Variants in ICE1 observed in about 807,000 individuals in gnomAD.
ICE1 encodes the protein little elongation complex subunit 1.
Under a neutral mutation model 192.7 loss-of-function variants are expected in ICE1, and 64 were observed. The observed-to-expected ratio is 0.33, with a 90% CI of 0.27 to 0.41. The LOEUF is 0.41. Among genes scored for constraint, ICE1 ranks in the 10% least tolerant of loss-of-function variants. ICE1 has a pLI of 1.00. For synonymous variants in ICE1, 1,010 were observed against 984.5 expected, an observed-to-expected ratio of 1.03 and a Z score of -0.49; for missense variants, 2,708 against 2,696.0, an observed-to-expected ratio of 1.00 and a Z score of -0.10.
rs763985666 is a variant in ICE1, at chr5:5,441,195, C to G, written c.281C>G (p.Ser94Cys). ...PLQKCQEELG[S>C]LKAELEEKKS... ...CAGAAATGTCAGGAAGAACTGGGAT[C>G]TTTAAAAGCAGAGCTAGAAGAGAAA... Residue 94 changes from serine (S) to cysteine (C), a missense_variant, in exon 5 of 19, where the codon TCT becomes TGT. Coordinates refer to ENST00000296564, the MANE Select transcript of ICE1 (RefSeq NM_015325.3). 19 of 1,560,688 alleles carry G rather than the reference C, an allele frequency of 1.2e-5. No homozygotes were observed. The Admixed American group carries it at 3.2e-4, about 27-fold the overall frequency.
chr5:5,471,024 G>A (rs1739143046), intron 15 of ICE1, among the ~76,000 whole-genome samples: 2 of 152,006 alleles, frequency 1.3e-5, no homozygotes, highest in South Asian at 4.1e-4. Context: ...GGGAACCAGA[G>A]AAAAAGAATA....
At chr5:5,459,125 G>A (rs984722845) in intron 12 of ICE1, among the ~76,000 whole-genome samples, 7 of 152,052 alleles carry the variant, frequency 4.6e-5, no homozygotes, top group African/African-American at 1.7e-4. Flanking sequence ...TGCCTGCCTC[G>A]GCCTCCCAAA....
rs771984642 is a variant in ICE1 at position 5,462,823 on chromosome 5, T to A, written c.3489T>A (p.Thr1163=). 1.1e-5 allele frequency: 18 copies of A among 1,611,316 alleles called. No individual in the cohort carries two copies. The Admixed American group carries it at 1.3e-4, about 12-fold the overall frequency. ...CTCTGCAAGATTTTAACATAAGTAC[T>A]TTTTCTGAGCTGGATAGACTTTCCA... ...TSALQDFNIS[T]FSELDRLSTS... The change falls in exon 13 of 19, where the codon ACT becomes ACA. Residue 1163 remains threonine (T), a synonymous_variant. Coordinates refer to ENST00000296564, the MANE Select transcript of ICE1 (RefSeq NM_015325.3).
At chr5:5,435,667 T>G (rs1579540731) in intron 1 of ICE1, among the ~76,000 whole-genome samples, 1 of 118,414 alleles carries the variant, frequency 8.4e-6, no homozygotes, top group African/African-American at 3.3e-5. Flanking sequence ...GTTTTTTTTT[T>G]TTTTTGTTTT....
Position 5,460,676 on chromosome 5 carries a change from A to G in ICE1, c.1342A>G (p.Thr448Ala), listed in dbSNP as rs1285337034. ...TTCTGGACTCGAGACTTTCACAGCA[A>G]CACTGAGAGAATCTTCTGCCACACA... is the stretch of plus-strand genomic sequence containing the variant. ...TTSGLETFTA[T>A]LRESSATHSL... is the part of the protein sequence containing the mutation. Residue 448 changes from threonine to alanine, a missense_variant, in exon 13 of 19, where the codon ACA (threonine) becomes GCA (alanine). By Grantham distance (58) the Thr-to-Ala change is moderately conservative (BLOSUM62 0). Transcript: ENST00000296564. The G allele has an allele frequency of 6.2e-7, 1 of 1,614,012 alleles. No homozygotes were observed. Among genetic ancestry groups the G allele is most frequent in the Non-Finnish European group, 8.5e-7 (1 of 1,179,904 alleles).
chr5:5,439,984 G>T, intron 4 of ICE1, 71 bp downstream of exon 4: 1 of 1,112,912 alleles, frequency 9.0e-7, no homozygotes, highest in South Asian at 1.7e-5. Flanking sequence ...ACATTTATTG[G>T]AGCAGATTTT....
chr5:5,436,287 A>G (rs996352926), intron 1 of ICE1, 131 bp from the exon 2 acceptor site: 4 of 566,954 alleles, frequency 7.1e-6, no homozygotes, highest in East Asian at 3.5e-5. Flanking sequence ...TCTACACAAT[A>G]TAAGTAATGC....
At chr5:5,441,089 T>C in intron 4 of ICE1, 23 bp from the exon 5 acceptor site, 2 of 1,340,222 alleles carry the variant, frequency 1.5e-6, no homozygotes, top group Non-Finnish European at 2.1e-6. Context: ...TTTTCTGTAA[T>C]AATGTTAATT....
In ICE1 at chr5:5,460,856, C is replaced by T; in HGVS notation, c.1522C>T (p.Leu508=). The T allele has an allele frequency of 1.2e-6, 2 of 1,614,014 alleles. No individual in the cohort carries two copies. Among genetic ancestry groups the T allele is most frequent in the Middle Eastern group, 1.6e-4 (1 of 6,062 alleles). ...EKTIHKLTRG[L]CIERLSASPA... ...GACCATTCATAAACTCACTCGAGGT[C>T]TATGCATTGAGAGATTGTCTGCCAG... Residue 508 remains leucine, a synonymous_variant, in exon 13 of 19, where the codon CTA becomes TTA. Coordinates refer to ENST00000296564, the MANE Select transcript of ICE1 (RefSeq NM_015325.3).
chr5:5,478,455 A>C (rs2111401597), intron 17 of ICE1, among the ~76,000 whole-genome samples: 1 of 152,056 alleles, frequency 6.6e-6, no homozygotes, highest in East Asian at 1.9e-4. Context: ...TCAAGGAAAA[A>C]GGACACAAAT....
chr5:5,481,124 A>G (rs995092461), intron 17 of ICE1, among the ~76,000 whole-genome samples: 1 of 152,208 alleles, frequency 6.6e-6, no homozygotes, highest in African/African-American at 2.4e-5. Context: ...AATTCAGGAA[A>G]AAATGCTCAT....
chr5:5,428,499 A>G (rs1215206322), intron 1 of ICE1, among the ~76,000 whole-genome samples: 2 of 152,234 alleles, frequency 1.3e-5, no homozygotes, highest in Non-Finnish European at 2.9e-5. Context: ...GACTTACAAT[A>G]AAGTTGCCAC....
chr5:5,477,897 A>G (rs1410341266), intron 17 of ICE1, among the ~76,000 whole-genome samples: 1 of 152,240 alleles, frequency 6.6e-6, no homozygotes, highest in African/African-American at 2.4e-5. Flanking sequence ...GATTATCTCA[A>G]TAGATACCGA....
In ICE1 at chr5:5,464,681, TG is replaced by T; in HGVS notation, c.5348del (p.Cys1783LeufsTer11). 6.2e-7 allele frequency: 1 copy of T among 1,613,964 alleles called. No homozygotes were observed. The highest frequency in any genetic ancestry group is 8.5e-7 in the Non-Finnish European group (1 of 1,179,874). ...IQLTRGPPADCKNLPGPASAM... is the reference protein window; with the variant it reads ...IQLTRGPPADXKNLPGPASAM... ...ACTCACACGAGGTCCGCCTGCTGAC[TG>T]TAAGAATTTACCGGGACCTGCCAGT... On this transcript the variant is annotated frameshift_variant, in exon 13 of 19. Coordinates refer to ENST00000296564, the MANE Select transcript of ICE1 (RefSeq NM_015325.3). LOFTEE classifies it high-confidence loss of function. This position sits in a 1 kb window ranked among gnomAD's most constrained non-coding sequence, Gnocchi z 4.0.
intron 10 of ICE1, among the ~76,000 whole-genome samples, chr5:5,448,339 G>A (rs776842926): frequency 2.6e-5 from 4 of 152,120 alleles, no homozygotes; most frequent in Admixed American, 6.5e-5. Context: ...AAAGTTTAGG[G>A]AAGGCCCACA....
intron 1 of ICE1, among the ~76,000 whole-genome samples, chr5:5,434,396 A>G (rs78437435): frequency 5.4e-4 from 83 of 152,378 alleles, no homozygotes; most frequent in African/African-American, 1.9e-3. Flanking sequence ...AACTATTCAC[A>G]TAACACACCC....
At position 5,449,882 on chromosome 5, in the gene ICE1, C is replaced by A. The variant is rs1738362072; in HGVS notation, c.604+1985C>A. On this transcript the variant is annotated intron_variant, in intron 10 of 18. Transcript: ENST00000296564. ...ACTTTAAGGGCTAGCCCCTCCTCTT[C>A]CCAGAAAACAAGATGTTTATATACT... Among the ~76,000 whole-genome samples, 3 of 152,184 alleles carry A rather than the reference C, an allele frequency of 2.0e-5. No homozygotes were observed. The South Asian group carries it at 6.2e-4, about 31-fold the overall frequency.
At chr5:5,480,785 A>T (rs567234998) in intron 17 of ICE1, among the ~76,000 whole-genome samples, 1 of 152,340 alleles carries the variant, frequency 6.6e-6, no homozygotes, top group African/African-American at 2.4e-5. Flanking sequence ...GTAGACACCA[A>T]ATTTCACTGG....
intron 7 of ICE1, among the ~76,000 whole-genome samples, chr5:5,445,397 A>C (rs1430770088): frequency 6.6e-6 from 1 of 152,070 alleles, no homozygotes; most frequent in Non-Finnish European, 1.5e-5. Context: ...ATTTAAACAA[A>C]ATTTTTTTAA....
Sources: gnomAD v4.1 joint callset for allele counts (sites outside exome capture counted in the v4.1 genomes callset) on GRCh38, gnomAD v4.1.1 for gene constraint, Gnocchi (gnomAD v3.1) non-coding constraint, MANE v1.5 for transcripts, NCBI Gene and HGNC (gene_info 2026-07-23, HGNC 2026-07-21) for gene names.